Variants in ME3 observed in about 807,000 individuals in gnomAD.
ME3 encodes the protein NADP-dependent malic enzyme, mitochondrial.
In ME3, 48 loss-of-function variants were observed where a neutral mutation model predicts 68.9. The observed-to-expected ratio is 0.70, with a 90% CI of 0.55 to 0.89. ME3 has a LOEUF of 0.89. ME3 is among the 40% of genes least tolerant of loss of function. The pLI, the probability that ME3 is intolerant of heterozygous loss-of-function variation, is 0.00. For missense variants in ME3, 675 were observed against 797.4 expected (o/e 0.85, Z 1.85); for synonymous variants, 320 against 318.8 (o/e 1.00, Z -0.04).
At chr11:86,553,207 CCT>C (rs1400354392) in intron 4 of ME3, among the ~76,000 whole-genome samples, 1 of 152,170 alleles carries the variant, frequency 6.6e-6, no homozygotes, top group East Asian at 1.9e-4. Context: ...CTCAGGTGCC[CCT>C]GAGATACTCT....
At chr11:86,663,098 G>A (rs563319137) in intron 2 of ME3, among the ~76,000 whole-genome samples, 35 of 152,266 alleles carry the variant, frequency 2.3e-4, no homozygotes, top group African/African-American at 8.2e-4. Context: ...TTAAGTAATG[G>A]GCTTCATGTA....
intron 4 of ME3, among the ~76,000 whole-genome samples, chr11:86,545,109 G>A (rs1462959601): frequency 2.9e-5 from 4 of 137,864 alleles, no homozygotes; most frequent in African/African-American, 1.1e-4. Context: ...AAAGGCCTTC[G>A]ATAAAATTCA....
chr11:86,574,597 T>C (rs1015987178), intron 2 of ME3, among the ~76,000 whole-genome samples: 1 of 152,218 alleles, frequency 6.6e-6, no homozygotes, highest in African/African-American at 2.4e-5. Context: ...TGCTCCTTCC[T>C]CTGGAAGCTT....
rs192056367 is a variant in ME3 at position 86,442,487 on chromosome 11, C to T, written c.1653+334G>A. On this transcript the variant is annotated intron_variant, in intron 14 of 14. Coordinates refer to ENST00000543262, the Ensembl canonical transcript of ME3. ...GGGACCCCAAAGCCTGAGCTTTTTCCGTGATGCTATGCAAGCTGACCTTTC... is the reference window on the plus strand; with the variant it reads ...GGGACCCCAAAGCCTGAGCTTTTTCTGTGATGCTATGCAAGCTGACCTTTC... Among the ~76,000 whole-genome samples, 91 of 152,222 alleles carry T rather than the reference C, an allele frequency of 6.0e-4. 1 individual carries two copies. Among genetic ancestry groups the T allele is most frequent in the South Asian group, 2.9e-3 (14 of 4,826 alleles).
At chr11:86,601,387 C>T (rs556593625) in intron 2 of ME3, among the ~76,000 whole-genome samples, 1 of 152,250 alleles carries the variant, frequency 6.6e-6, no homozygotes, top group East Asian at 1.9e-4. Flanking sequence ...CATACACCCT[C>T]CCAAGACTAA....
At chr11:86,669,692 A>G (rs937021144) in intron 2 of ME3, among the ~76,000 whole-genome samples, 33 of 152,048 alleles carry the variant, frequency 2.2e-4, no homozygotes, top group African/African-American at 7.7e-4. Flanking sequence ...TCAAGATGAG[A>G]TTTGTATGGG....
intron 4 of ME3, among the ~76,000 whole-genome samples, chr11:86,519,277 A>C (rs745819809): frequency 2.6e-5 from 4 of 152,218 alleles, no homozygotes; most frequent in Non-Finnish European, 5.9e-5. Context: ...CACTATCTTC[A>C]GTTTCCATCA....
intron 5 of ME3, among the ~76,000 whole-genome samples, chr11:86,506,024 G>A (rs1953049182): frequency 6.6e-6 from 1 of 152,208 alleles, no homozygotes; most frequent in Admixed American, 6.5e-5. Flanking sequence ...TAGACTTCGA[G>A]CTCCTTGAGT....
chr11:86,510,214 G>A (rs1223288384), intron 4 of ME3, among the ~76,000 whole-genome samples: 1 of 152,120 alleles, frequency 6.6e-6, no homozygotes, highest in African/African-American at 2.4e-5. Context: ...TACCAAAACT[G>A]CTCTTGCAAA....
intron 4 of ME3, among the ~76,000 whole-genome samples, chr11:86,552,094 G>A (rs1368265006): frequency 6.6e-6 from 1 of 152,156 alleles, no homozygotes; most frequent in Non-Finnish European, 1.5e-5. Context: ...TGGGGTCCTG[G>A]GTCAAACAGA....
chr11:86,554,159 C>T (rs1006279095), intron 4 of ME3, among the ~76,000 whole-genome samples: 6 of 152,184 alleles, frequency 3.9e-5, no homozygotes, highest in African/African-American at 9.7e-5. Context: ...GTTGCATATG[C>T]AAGGTCCTAA....
intron 2 of ME3, among the ~76,000 whole-genome samples, chr11:86,598,826 T>C (rs1394350811): frequency 4.6e-5 from 7 of 152,286 alleles, no homozygotes; most frequent in African/African-American, 1.7e-4. Flanking sequence ...CCGCTGCTGA[T>C]ACCCAGGCAA....
chr11:86,458,688 G>T (rs1017838552), intron 8 of ME3, among the ~76,000 whole-genome samples: 1 of 152,128 alleles, frequency 6.6e-6, no homozygotes, highest in African/African-American at 2.4e-5. Context: ...TTTCATGGCA[G>T]GGGGAGAGAT....
At chr11:86,597,681 T>C (rs1445990345) in intron 2 of ME3, among the ~76,000 whole-genome samples, 1 of 152,172 alleles carries the variant, frequency 6.6e-6, no homozygotes, top group Non-Finnish European at 1.5e-5. Context: ...AGTCAAATTC[T>C]TTAAAATATT....
intron 4 of ME3, among the ~76,000 whole-genome samples, chr11:86,512,007 C>G (rs955969092): frequency 5.3e-5 from 8 of 152,104 alleles, no homozygotes; most frequent in Admixed American, 2.0e-4. Context: ...CCCTAGCCTC[C>G]TGCCCACCAA....
chr11:86,470,067 AT>A (rs1314755474), intron 7 of ME3, among the ~76,000 whole-genome samples: 1 of 152,100 alleles, frequency 6.6e-6, no homozygotes. Context: ...TGTGAACCAA[AT>A]GCAGAGTGAG....
intron 8 of ME3, 62 bp from the exon 9 acceptor site, chr11:86,450,460 C>T (rs1214956986): frequency 1.5e-5 from 22 of 1,422,870 alleles, no homozygotes; most frequent in Non-Finnish European, 2.1e-5. Context: ...AAGAGAAGAC[C>T]CTTGGCAGAG....
At chr11:86,664,460 T>C (rs1176645053) in intron 2 of ME3, among the ~76,000 whole-genome samples, 1 of 152,242 alleles carries the variant, frequency 6.6e-6, no homozygotes, top group Non-Finnish European at 1.5e-5. Flanking sequence ...GATTCAATTA[T>C]TTACAACATG....
intron 2 of ME3, among the ~76,000 whole-genome samples, chr11:86,651,197 A>T: frequency 6.6e-6 from 1 of 152,202 alleles, no homozygotes; most frequent in African/African-American, 2.4e-5. Context: ...AAGGCAGCAG[A>T]AACCTCTGCA....
Sources: gnomAD v4.1 joint callset for allele counts (sites outside exome capture counted in the v4.1 genomes callset) on GRCh38, gnomAD v4.1.1 for gene constraint, MANE v1.5 for transcripts, NCBI Gene and HGNC (gene_info 2026-07-23, HGNC 2026-07-21) for gene names.